The following SULT1B1 variants were observed in gnomAD, a reference collection of about 807,000 sequenced individuals.
SULT1B1 encodes sulfotransferase family 1B member 1.
In SULT1B1, 28 loss-of-function variants were observed where a neutral mutation model predicts 34.6. That is an observed-to-expected ratio of 0.81 (90% CI 0.60 to 1.11). The LOEUF (loss-of-function observed/expected upper bound fraction) is 1.11. Among genes scored for constraint, SULT1B1 ranks in the 50% least tolerant of loss-of-function variants. The pLI is 0.00. For missense variants in SULT1B1, 374 were observed against 352.2 expected (o/e 1.06, Z -0.50); for synonymous variants, 147 against 110.2 (o/e 1.33, Z -2.09).
intron 2 of SULT1B1, 132 bp from the exon 3 acceptor site, chr4:69,754,930 C>T: frequency 8.0e-7 from 1 of 1,251,022 alleles, no homozygotes; most frequent in South Asian, 1.5e-5. Context: ...CACCAAATGC[C>T]AATTTTAATA....
chr4:69,741,272 C>G (rs903211836), intron 4 of SULT1B1, among the ~76,000 whole-genome samples: 1 of 152,168 alleles, frequency 6.6e-6, no homozygotes, highest in East Asian at 1.9e-4. Context: ...CAGTACCATG[C>G]TGTGTTGGTT....
At chr4:69,758,423 TG>T in intron 1 of SULT1B1, 1 of 985,342 alleles carries the variant, frequency 1.0e-6, no homozygotes, top group Non-Finnish European at 1.2e-6. Context: ...ACATGATGAA[TG>T]AAATAGCTCT....
chr4:69,756,035 A>G (rs1258074234), intron 1 of SULT1B1, among the ~76,000 whole-genome samples: 2 of 152,124 alleles, frequency 1.3e-5, no homozygotes, highest in Non-Finnish European at 2.9e-5. Context: ...TGTAATTACT[A>G]ACCTTTTCTT....
Position 69,726,641 on chromosome 4 carries a change from G to C in SULT1B1, c.*447C>G, listed in dbSNP as rs556071039. The C allele has an allele frequency of 6.6e-6, 1 of 152,406 alleles. No homozygotes were observed. The highest frequency in any genetic ancestry group is 2.1e-4 in the South Asian group (1 of 4,832). The allele number at this position is 152,406 out of a possible 1,614,324, so 9.4% of individuals were successfully genotyped here. ...ACTTGAAACTCGGTAGACAGCAGTG[G>C]AACACAGTGTCCTGGGTCAAATTTT... On this transcript the variant is annotated 3_prime_UTR_variant, in exon 8 of 8. Coordinates refer to ENST00000310613, the MANE Select transcript of SULT1B1 (RefSeq NM_014465.4).
intron 4 of SULT1B1, among the ~76,000 whole-genome samples, chr4:69,740,636 T>C (rs1243187209): frequency 6.6e-6 from 1 of 152,216 alleles, no homozygotes; most frequent in Non-Finnish European, 1.5e-5. Flanking sequence ...AACATACAAA[T>C]ACATGTGTCT....
intron 4 of SULT1B1, among the ~76,000 whole-genome samples, chr4:69,742,890 C>T (rs1229751241): frequency 1.3e-5 from 2 of 152,226 alleles, no homozygotes; most frequent in Non-Finnish European, 2.9e-5. Context: ...CTCATGGCCT[C>T]AGCTCTCTGC....
At position 69,725,744 on chromosome 4, in the gene SULT1B1, C is replaced by T. The variant is rs1717808727; in HGVS notation, c.*1344G>A. On this transcript the variant is annotated 3_prime_UTR_variant, in exon 8 of 8. Transcript: ENST00000310613. ...TAGGGACATGGATAAAGCTGGAAAC[C>T]ATACTTTTCAGCAAACTATTGCAAG... 6.6e-6 allele frequency: 1 copy of T among 151,680 alleles called. No homozygotes were observed. The highest frequency in any genetic ancestry group is 2.4e-5 in the African/African-American group (1 of 41,270). 9.4% of individuals were successfully genotyped at this position (151,680 alleles called of 1,614,324 possible). A position where few individuals can be genotyped will look rare whatever the true frequency, so the allele number is the denominator to read the frequency against.
intron 7 of SULT1B1, 99 bp from the exon 8 acceptor site, chr4:69,727,299 C>T (rs958721365): frequency 1.3e-6 from 1 of 760,976 alleles, no homozygotes; most frequent in South Asian, 3.0e-5. Context: ...AAAGAAAGAC[C>T]TTCCTTTTAT....
intron 4 of SULT1B1, among the ~76,000 whole-genome samples, chr4:69,746,637 C>A (rs928731167): frequency 6.6e-6 from 1 of 152,124 alleles, no homozygotes; most frequent in South Asian, 2.1e-4. Context: ...GGGTTTCAAC[C>A]TTTTTCTATA....
intron 3 of SULT1B1, among the ~76,000 whole-genome samples, chr4:69,750,100 C>T (rs1012953385): frequency 2.5e-4 from 38 of 152,240 alleles, no homozygotes; most frequent in African/African-American, 8.7e-4. Context: ...TTCACTTTCT[C>T]CATCTCCAAA....
Position 69,725,074 on chromosome 4 carries a change from G to A in SULT1B1, c.*2014C>T, listed in dbSNP as rs1004148429. 26 of 147,084 alleles carry A rather than the reference G, an allele frequency of 1.8e-4. No homozygotes were observed. Among genetic ancestry groups the A allele is most frequent in the African/African-American group, 4.6e-4 (17 of 36,702 alleles). 9.1% of individuals were successfully genotyped at this position (147,084 alleles called of 1,614,324 possible). ...CACAGCAAAAGAAACTACCATCAGC[G>A]TGAACAGGCAACCTACAGAATGGGA... On this transcript the variant is annotated 3_prime_UTR_variant, in exon 8 of 8. Transcript: ENST00000310613.
At chr4:69,756,553 C>T (rs1316502896) in intron 1 of SULT1B1, among the ~76,000 whole-genome samples, 1 of 152,080 alleles carries the variant, frequency 6.6e-6, no homozygotes, top group Non-Finnish European at 1.5e-5. Flanking sequence ...TAGGAGTATT[C>T]CTTCTACCTA....
In SULT1B1 at chr4:69,726,019, A is replaced by G. The variant is rs1285108670; in HGVS notation, c.*1069T>C. 5 of 123,062 alleles carry G rather than the reference A, an allele frequency of 4.1e-5. No homozygotes were observed. Among genetic ancestry groups the G allele is most frequent in the African/African-American group, 1.5e-4 (5 of 33,678 alleles). 7.6% of individuals were successfully genotyped at this position (123,062 alleles called of 1,614,324 possible). A position where few individuals can be genotyped will look rare whatever the true frequency, so the allele number is the denominator to read the frequency against. On this transcript the variant is annotated 3_prime_UTR_variant, in exon 8 of 8. Coordinates refer to ENST00000310613, the MANE Select transcript of SULT1B1 (RefSeq NM_014465.4). Reference sequence around the variant, plus strand: ...ACATGTAACCTGGAACTTAAAGTATAATAATAAAATGTACATATATATATA... The same window carrying G: ...ACATGTAACCTGGAACTTAAAGTATGATAATAAAATGTACATATATATATA...
intron 4 of SULT1B1, among the ~76,000 whole-genome samples, chr4:69,748,794 T>G (rs1219976166): frequency 6.6e-6 from 1 of 152,082 alleles, no homozygotes; most frequent in Non-Finnish European, 1.5e-5. Context: ...AAAATAAAAA[T>G]GTGCATAGCA....
chr4:69,758,592 G>T, intron 1 of SULT1B1: 1 of 494,482 alleles, frequency 2.0e-6, no homozygotes, highest in Non-Finnish European at 2.6e-6. Flanking sequence ...AGAATGTAAT[G>T]TTTAGTAGCA....
intron 3 of SULT1B1, among the ~76,000 whole-genome samples, chr4:69,753,582 C>T (rs1316710981): frequency 1.3e-5 from 2 of 152,158 alleles, no homozygotes; most frequent in African/African-American, 2.4e-5. Flanking sequence ...TTTTAGTCTC[C>T]GGACTATATC....
rs1717726019 is a variant in SULT1B1 at position 69,723,854 on chromosome 4, A to T, written c.*3234T>A. ...TCATGCTAAAAACTCTCAATAAATT[A>T]GGTATTGATGGAATGTATCTCAAAA... is the stretch of plus-strand genomic sequence containing the variant. On this transcript the variant is annotated 3_prime_UTR_variant, in exon 8 of 8. Coordinates refer to ENST00000310613, the MANE Select transcript of SULT1B1 (RefSeq NM_014465.4). 6.6e-6 allele frequency: 1 copy of T among 152,206 alleles called. No homozygotes were observed. The highest frequency in any genetic ancestry group is 1.5e-5 in the Non-Finnish European group (1 of 68,046). The allele number at this position is 152,206 out of a possible 1,614,324, so 9.4% of individuals were successfully genotyped here. A position where few individuals can be genotyped will look rare whatever the true frequency, so the allele number is the denominator to read the frequency against.
In SULT1B1 at chr4:69,723,362, C is replaced by G. The variant is rs922158191; in HGVS notation, c.*3726G>C. 1.3e-5 allele frequency: 2 copies of G among 152,172 alleles called. No homozygotes were observed. Among genetic ancestry groups the G allele is most frequent in the Non-Finnish European group, 2.9e-5 (2 of 68,044 alleles). 9.4% of individuals were successfully genotyped at this position (152,172 alleles called of 1,614,324 possible). ...TCTCTGAATAGAAAAATAACATGCT[C>G]TGAAATAGAGGCAATAATTAATAGC... On this transcript the variant is annotated 3_prime_UTR_variant, in exon 8 of 8. Coordinates refer to ENST00000310613, the MANE Select transcript of SULT1B1 (RefSeq NM_014465.4).
intron 6 of SULT1B1, among the ~76,000 whole-genome samples, chr4:69,733,007 A>G (rs1347360296): frequency 6.6e-6 from 1 of 152,172 alleles, no homozygotes; most frequent in East Asian, 1.9e-4. Context: ...AAATGCAGGC[A>G]CAGATAAGGG....
Sources: allele counts gnomAD v4.1 joint callset (sites outside exome capture counted in the v4.1 genomes callset), GRCh38; gene constraint gnomAD v4.1.1; transcripts MANE v1.5; gene names NCBI Gene and HGNC (gene_info 2026-07-23, HGNC 2026-07-21).